Variants in PDE7A observed in about 807,000 individuals in gnomAD.
PDE7A encodes the protein high affinity 3',5'-cyclic-AMP phosphodiesterase 7A.
Under a neutral mutation model 64.3 loss-of-function variants are expected in PDE7A, and 39 were observed. That is an observed-to-expected ratio of 0.61 (90% CI 0.47 to 0.79). The LOEUF (loss-of-function observed/expected upper bound fraction) is 0.79, where lower values mean the gene tolerates loss of function less well. Ranked by LOEUF, PDE7A falls within the 30% of genes least tolerant of loss-of-function variation. The pLI, the probability that PDE7A is intolerant of heterozygous loss-of-function variation, is 0.00. For missense variants in PDE7A, 470 were observed against 582.8 expected (o/e 0.81, Z 1.99); for synonymous variants, 203 against 206.8 (o/e 0.98, Z 0.16).
chr8:65,816,873 T>C (rs182720256), intron 1 of PDE7A, among the ~76,000 whole-genome samples: 1 of 152,348 alleles, frequency 6.6e-6, no homozygotes, highest in East Asian at 1.9e-4. Context: ...TAGTTTAATG[T>C]TTTTCATCAA....
intron 3 of PDE7A, among the ~76,000 whole-genome samples, chr8:65,750,571 T>A (rs181683117): frequency 1.4e-3 from 218 of 151,720 alleles, no homozygotes; most frequent in African/African-American, 5.2e-3. Flanking sequence ...GACAACTGCA[T>A]AAGGTCCAAA....
intron 3 of PDE7A, among the ~76,000 whole-genome samples, chr8:65,752,407 CA>C (rs1179413522): frequency 6.6e-6 from 1 of 152,102 alleles, no homozygotes; most frequent in Non-Finnish European, 1.5e-5. Flanking sequence ...ATTGAATGTT[CA>C]AATTTTTTTT....
At chr8:65,840,809 G>T (rs1284463973) in intron 1 of PDE7A, among the ~76,000 whole-genome samples, 2 of 152,228 alleles carry the variant, frequency 1.3e-5, no homozygotes, top group Admixed American at 1.3e-4. Context: ...TTGCAGACTT[G>T]TTCCTCTGAT....
At chr8:65,760,625 G>A (rs993797396) in intron 3 of PDE7A, among the ~76,000 whole-genome samples, 15 of 152,092 alleles carry the variant, frequency 9.9e-5, no homozygotes, top group Admixed American at 9.2e-4. Context: ...ATAAATCAAG[G>A]ATAAAACATG....
At chr8:65,733,106 C>G (rs534301546) in intron 7 of PDE7A, among the ~76,000 whole-genome samples, 6 of 152,102 alleles carry the variant, frequency 3.9e-5, no homozygotes, top group East Asian at 3.8e-4. Context: ...TTAATTGAAG[C>G]CTTGGGTAAA....
At chr8:65,729,091 AAGAC>A (rs1174935883) in intron 7 of PDE7A, among the ~76,000 whole-genome samples, 1 of 152,250 alleles carries the variant, frequency 6.6e-6, no homozygotes, top group Non-Finnish European at 1.5e-5. Context: ...GGTGGATTAA[AAGAC>A]AGATGTTATT....
chr8:65,841,777 G>A lies in PDE7A; in HGVS notation c.-269C>T, dbSNP rs890153568. On this transcript the variant is annotated 5_prime_UTR_variant, in exon 1 of 13. Coordinates refer to ENST00000401827, the MANE Select transcript of PDE7A (RefSeq NM_001242318.3). ...AGGCGAGGGGGGACGGGGTGCAAGCGGGGCCAGCACAGGCAAAGTCGGAAA... is the reference window on the plus strand; with the variant it reads ...AGGCGAGGGGGGACGGGGTGCAAGCAGGGCCAGCACAGGCAAAGTCGGAAA... The A allele has an allele frequency of 6.5e-6, 1 of 153,540 alleles. No individual in the cohort carries two copies. The highest frequency in any genetic ancestry group is 2.1e-4 in the South Asian group (1 of 4,850). 9.5% of individuals were successfully genotyped at this position (153,540 alleles called of 1,614,324 possible).
rs1378843555 is a variant in PDE7A at position 65,717,096 on chromosome 8, T to C, written c.*2194A>G. On this transcript the variant is annotated 3_prime_UTR_variant, in exon 13 of 13. Transcript: ENST00000401827. Reference sequence around the variant, plus strand: ...AAAGTGATACAATATTTTGGACGTATTGGAATAGATGTTACTAAAATTAAT... The same window carrying C: ...AAAGTGATACAATATTTTGGACGTACTGGAATAGATGTTACTAAAATTAAT... Among the ~76,000 whole-genome samples, 1 of 152,246 alleles carries C rather than the reference T, an allele frequency of 6.6e-6. No homozygotes were observed. Among genetic ancestry groups the C allele is most frequent in the Non-Finnish European group, 1.5e-5 (1 of 68,044 alleles).
At chr8:65,806,397 A>T (rs1445084746) in intron 1 of PDE7A, among the ~76,000 whole-genome samples, 1 of 152,188 alleles carries the variant, frequency 6.6e-6, no homozygotes. Context: ...TATAGAGTTT[A>T]TTTTTGAGGT....
intron 1 of PDE7A, among the ~76,000 whole-genome samples, chr8:65,809,025 T>C (rs1012094842): frequency 1.3e-5 from 2 of 152,214 alleles, no homozygotes; most frequent in Non-Finnish European, 2.9e-5. Flanking sequence ...GAGGATATAG[T>C]AAAGTGAAGT....
At chr8:65,773,338 A>C (rs10504392) in intron 3 of PDE7A, among the ~76,000 whole-genome samples, 45,325 of 152,038 alleles carry the variant, frequency 0.3, 7,324 homozygotes, top group African/African-American at 0.42. Context: ...CTTGTTTTGT[A>C]ATAACTATAG....
rs1811085055 is a variant in PDE7A, at chr8:65,841,417, G to C, written c.92C>G (p.Ser31Cys). The change falls in exon 1 of 13, where the codon TCC (serine) becomes TGC (cysteine). Residue 31 changes from serine to cysteine, a missense_variant. By Grantham distance (112) the Ser-to-Cys change is moderately radical. Coordinates refer to ENST00000401827, the MANE Select transcript of PDE7A (RefSeq NM_001242318.3). Reference sequence around the variant, plus strand: ...GGGGCAGCCGAAGAGAGCGGAGCTGGAGCTGAAGCTGATGGCTCCTCGGCG... The same window carrying C: ...GGGGCAGCCGAAGAGAGCGGAGCTGCAGCTGAAGCTGATGGCTCCTCGGCG... ...LSRRGAISFS[S>C]SSALFGCPNP... The C allele has an allele frequency of 2.6e-6, 4 of 1,563,868 alleles. No individual in the cohort carries two copies. In the South Asian group the frequency reaches 3.5e-5, roughly 14 times the overall value.
At chr8:65,732,998 C>T (rs1806963190) in intron 7 of PDE7A, among the ~76,000 whole-genome samples, 1 of 152,066 alleles carries the variant, frequency 6.6e-6, no homozygotes, top group South Asian at 2.1e-4. Flanking sequence ...CATGAGTCAC[C>T]GTGCCCAGTC....
chr8:65,779,350 ATAAGT>A (rs983562402), intron 3 of PDE7A, among the ~76,000 whole-genome samples: 78 of 152,242 alleles, frequency 5.1e-4, no homozygotes, highest in African/African-American at 1.8e-3. Context: ...AACCTAAAAG[ATAAGT>A]TAAACTACTG....
At chr8:65,799,010 G>A (rs1809925829) in intron 1 of PDE7A, among the ~76,000 whole-genome samples, 1 of 152,074 alleles carries the variant, frequency 6.6e-6, no homozygotes, top group Admixed American at 6.5e-5. Context: ...TATACTCTAT[G>A]ATTCCATTTA....
intron 5 of PDE7A, among the ~76,000 whole-genome samples, chr8:65,740,595 T>C (rs1001057343): frequency 6.6e-6 from 1 of 152,172 alleles, no homozygotes; most frequent in Admixed American, 6.5e-5. Context: ...AGAGACAGGG[T>C]TTCACTTTGT....
chr8:65,837,914 G>T (rs1300555037), intron 1 of PDE7A, among the ~76,000 whole-genome samples: 1 of 151,924 alleles, frequency 6.6e-6, no homozygotes, highest in Non-Finnish European at 1.5e-5. Flanking sequence ...AGGGCATTTT[G>T]GATTTTCAGA....
At chr8:65,831,942 A>C (rs1196657043) in intron 1 of PDE7A, among the ~76,000 whole-genome samples, 2 of 152,262 alleles carry the variant, frequency 1.3e-5, no homozygotes, top group African/African-American at 4.8e-5. Context: ...AATAACTTAT[A>C]ATTTCACCAC....
At chr8:65,763,189 C>T (rs1173217356) in intron 3 of PDE7A, among the ~76,000 whole-genome samples, 2 of 151,978 alleles carry the variant, frequency 1.3e-5, no homozygotes, top group African/African-American at 2.4e-5. Context: ...ATACATATAA[C>T]ATTGATCTAA....
Sources: gnomAD v4.1 joint callset for allele counts (sites outside exome capture counted in the v4.1 genomes callset) on GRCh38, gnomAD v4.1.1 for gene constraint, MANE v1.5 for transcripts, NCBI Gene and HGNC (gene_info 2026-07-23, HGNC 2026-07-21) for gene names.